The following SPAG16 variants were observed in gnomAD, a reference collection of about 807,000 sequenced individuals.
The protein encoded by SPAG16 is sperm-associated antigen 16 protein.
Under a neutral mutation model 80.4 loss-of-function variants are expected in SPAG16, and 86 were observed. That is an observed-to-expected ratio of 1.07 (90% CI 0.90 to 1.28). SPAG16 has a LOEUF of 1.28. Ranked by LOEUF, SPAG16 falls within the 50% of genes most tolerant of loss-of-function variation. The pLI, the probability that SPAG16 is intolerant of heterozygous loss-of-function variation, is 0.00. For synonymous variants in SPAG16, 294 were observed against 265.9 expected, an observed-to-expected ratio of 1.11 and a Z score of -1.03; for missense variants, 870 against 765.3, an observed-to-expected ratio of 1.14 and a Z score of -1.61.
At position 214,117,938 on chromosome 2, in the gene SPAG16, G is replaced by T. The variant is rs117847849; in HGVS notation, c.1593+9677G>T. ...CTGAAAGTTTTTCCTCTAAAATCTG[G>T]ACTAAGACAAATATGCCTATCTTTA... On this transcript the variant is annotated intron_variant, in intron 14 of 15. Coordinates refer to ENST00000331683, the MANE Select transcript of SPAG16 (RefSeq NM_024532.5). Among the ~76,000 whole-genome samples, 18 of 152,156 alleles carry T rather than the reference G, an allele frequency of 1.2e-4. No homozygotes were observed. In the East Asian group the frequency reaches 3.5e-3, roughly 29 times the overall value.
chr2:214,133,479 C>T (rs916145111), intron 14 of SPAG16, among the ~76,000 whole-genome samples: 8 of 151,824 alleles, frequency 5.3e-5, no homozygotes, highest in African/African-American at 1.2e-4. Flanking sequence ...GCCAACGTGA[C>T]GAAAATTCTC....
At position 213,374,432 on chromosome 2, in the gene SPAG16, A is replaced by C. The variant is rs535689568; in HGVS notation, c.833-578A>C. Among the ~76,000 whole-genome samples the C allele has an allele frequency of 2.7e-5, 4 of 147,936 alleles. No individual in the cohort carries two copies. The East Asian group carries it at 7.7e-4, about 29-fold the overall frequency. ...GAAATATGTGTACTTATATATGTGT[A>C]TGTATTATATGTAGAAAAATGTGAG... On this transcript the variant is annotated intron_variant, in intron 8 of 15. Transcript: ENST00000331683.
At chr2:213,418,233 A>G (rs1016572380) in intron 9 of SPAG16, among the ~76,000 whole-genome samples, 17 of 152,122 alleles carry the variant, frequency 1.1e-4, no homozygotes, top group African/African-American at 3.9e-4. Context: ...TTATAGATAT[A>G]CATGGATATT....
intron 15 of SPAG16, among the ~76,000 whole-genome samples, chr2:214,369,685 T>A (rs1336865389): frequency 1.3e-5 from 2 of 152,146 alleles, no homozygotes; most frequent in African/African-American, 4.8e-5. Context: ...TAAAAGACTC[T>A]AAATCATGAG....
rs2125585061 is a variant in SPAG16, at chr2:213,453,672, T to A, written c.943-36291T>A. Among the ~76,000 whole-genome samples, 3 of 152,260 alleles carry A rather than the reference T, an allele frequency of 2.0e-5. No individual in the cohort carries two copies. In the South Asian group the frequency reaches 6.2e-4, roughly 32 times the overall value. On this transcript the variant is annotated intron_variant, in intron 9 of 15. Coordinates refer to ENST00000331683, the MANE Select transcript of SPAG16 (RefSeq NM_024532.5). ...GGCAACAAGGTAGAATGAAGCCCAG[T>A]TTCTGTACTTGAGGGACCCAGGCAC... is the stretch of plus-strand genomic sequence containing the variant.
intron 15 of SPAG16, among the ~76,000 whole-genome samples, chr2:214,318,103 A>G (rs1046359073): frequency 1.3e-5 from 2 of 152,200 alleles, no homozygotes; most frequent in African/African-American, 2.4e-5. Flanking sequence ...AGGATCCTGG[A>G]TTCATCAGCA....
chr2:214,261,102 A>C (rs922870024), intron 15 of SPAG16, among the ~76,000 whole-genome samples: 4 of 88,952 alleles, frequency 4.5e-5, no homozygotes, highest in Non-Finnish European at 6.4e-5. Flanking sequence ...AGCAAGACTC[A>C]GTCTCAAAAA....
intron 9 of SPAG16, among the ~76,000 whole-genome samples, chr2:213,427,684 T>G (rs764737268): frequency 3.3e-5 from 5 of 152,198 alleles, no homozygotes; most frequent in Admixed American, 1.3e-4. Context: ...CTACATATTC[T>G]CATCCTGAAA....
At chr2:213,798,171 G>A (rs1253631581) in intron 10 of SPAG16, among the ~76,000 whole-genome samples, 1 of 152,100 alleles carries the variant, frequency 6.6e-6, no homozygotes, top group African/African-American at 2.4e-5. Flanking sequence ...TTATTGACTT[G>A]TAAGCGTTCT....
intron 10 of SPAG16, among the ~76,000 whole-genome samples, chr2:213,662,329 G>T (rs1574698219): frequency 6.6e-6 from 1 of 152,240 alleles, no homozygotes; most frequent in East Asian, 1.9e-4. Flanking sequence ...AGAACTGAAA[G>T]AATTCATGGA....
intron 4 of SPAG16, among the ~76,000 whole-genome samples, chr2:213,315,566 T>C (rs2063365784): frequency 6.6e-6 from 1 of 152,042 alleles, no homozygotes; most frequent in South Asian, 2.1e-4. Flanking sequence ...TCTTCTAAGT[T>C]CATCTTGATT....
chr2:213,836,956 C>G (rs1423062153), intron 10 of SPAG16, among the ~76,000 whole-genome samples: 1 of 151,996 alleles, frequency 6.6e-6, no homozygotes, highest in Non-Finnish European at 1.5e-5. Flanking sequence ...CCTTCTCTCT[C>G]TCTCTCTCTC....
intron 12 of SPAG16, among the ~76,000 whole-genome samples, chr2:213,952,848 A>G (rs2043922423): frequency 6.6e-6 from 1 of 152,128 alleles, no homozygotes; most frequent in African/African-American, 2.4e-5. Flanking sequence ...CTCCCTGTCA[A>G]AAGACAAAGT....
At chr2:213,996,525 G>C (rs2046522481) in intron 12 of SPAG16, among the ~76,000 whole-genome samples, 2 of 149,978 alleles carry the variant, frequency 1.3e-5, no homozygotes, top group African/African-American at 4.9e-5. Context: ...CTTAAAATAA[G>C]ATAGTAAAGT....
chr2:213,389,588 A>G (rs1019520223), intron 9 of SPAG16, among the ~76,000 whole-genome samples: 1 of 152,212 alleles, frequency 6.6e-6, no homozygotes, highest in Admixed American at 6.5e-5. Context: ...AAGGACTTTA[A>G]TAACACATTT....
chr2:213,326,083 A>G (rs983442138), intron 5 of SPAG16, among the ~76,000 whole-genome samples: 11 of 152,002 alleles, frequency 7.2e-5, no homozygotes, highest in African/African-American at 1.9e-4. Context: ...AGGCTTTTAC[A>G]GTAAGGAAAT....
chr2:214,050,733 C>T (rs1023330460), intron 13 of SPAG16, among the ~76,000 whole-genome samples: 1 of 152,066 alleles, frequency 6.6e-6, no homozygotes, highest in Non-Finnish European at 1.5e-5. Context: ...CCTTTGTGTC[C>T]ATAGGTTCCC....
At chr2:214,163,066 A>G (rs1318860943) in intron 15 of SPAG16, among the ~76,000 whole-genome samples, 1 of 152,072 alleles carries the variant, frequency 6.6e-6, no homozygotes, top group Non-Finnish European at 1.5e-5. Context: ...TCTGACATGC[A>G]TATATTAAAA....
intron 10 of SPAG16, among the ~76,000 whole-genome samples, chr2:213,808,702 A>G (rs1444931512): frequency 6.6e-6 from 1 of 152,172 alleles, no homozygotes; most frequent in Non-Finnish European, 1.5e-5. Flanking sequence ...GCTTTTGTTT[A>G]TATTTTTTAG....
Sources: gnomAD v4.1 joint callset for allele counts (sites outside exome capture counted in the v4.1 genomes callset) on GRCh38, gnomAD v4.1.1 for gene constraint, MANE v1.5 for transcripts, NCBI Gene and HGNC (gene_info 2026-07-23, HGNC 2026-07-21) for gene names.